UNC13B: variants seen among roughly 807,000 people sequenced by gnomAD.
UNC13B encodes protein unc-13 homolog B.
Under a neutral mutation model 211.0 loss-of-function variants are expected in UNC13B, and 144 were observed. The ratio of observed to expected loss-of-function variants is 0.68; its 90% confidence interval spans 0.60 to 0.78. The LOEUF (loss-of-function observed/expected upper bound fraction) is 0.78. Ranked by LOEUF, UNC13B falls within the 30% of genes least tolerant of loss-of-function variation. The pLI is 0.00. For synonymous variants in UNC13B, 709 were observed against 725.8 expected (o/e 0.98, Z 0.37); for missense variants, 1,777 against 2,002.0 (o/e 0.89, Z 2.14).
intron 7 of UNC13B, among the ~76,000 whole-genome samples, chr9:35,281,115 T>C (rs1828458682): frequency 6.6e-6 from 1 of 151,972 alleles, no homozygotes; most frequent in Non-Finnish European, 1.5e-5. Context: ...CTGGGCGTGG[T>C]GGCATGCGCC....
intron 7 of UNC13B, among the ~76,000 whole-genome samples, chr9:35,272,385 G>A (rs1827943340): frequency 6.6e-6 from 1 of 151,542 alleles, no homozygotes; most frequent in Admixed American, 6.6e-5. Context: ...AGCCTCTCGA[G>A]TAGCTGGGAT....
At chr9:35,175,001 T>C (rs1449993537) in intron 1 of UNC13B, among the ~76,000 whole-genome samples, 1 of 151,892 alleles carries the variant, frequency 6.6e-6, no homozygotes, top group Non-Finnish European at 1.5e-5. Flanking sequence ...TTTTGCCATG[T>C]GGCTGAGGCT....
chr9:35,403,600 G>C lies in UNC13B; in HGVS notation c.12737+1G>C. 6.6e-7 allele frequency: 1 copy of C among 1,513,066 alleles called. No individual in the cohort carries two copies. Among genetic ancestry groups the C allele is most frequent in the Non-Finnish European group, 8.9e-7 (1 of 1,118,402 alleles). 93.7% of individuals were successfully genotyped at this position (1,513,066 alleles called of 1,614,324 possible). On this transcript the variant is annotated splice_donor_variant, in intron 39 of 39. Transcript: ENST00000635942. LOFTEE classifies it high-confidence loss of function. ...CCAAGTACAATGAGACATTCCACTTGTAAGTTACGGGGGGGACATACAGGA... is the reference window on the plus strand; with the variant it reads ...CCAAGTACAATGAGACATTCCACTTCTAAGTTACGGGGGGGACATACAGGA...
chr9:35,203,696 C>T (rs1050735346), intron 1 of UNC13B, among the ~76,000 whole-genome samples: 1 of 152,180 alleles, frequency 6.6e-6, no homozygotes, highest in Non-Finnish European at 1.5e-5. Flanking sequence ...CAAGATGTGG[C>T]CTGGCTGCTT....
chr9:35,224,384 T>C (rs1054069140), intron 1 of UNC13B, among the ~76,000 whole-genome samples: 1 of 152,232 alleles, frequency 6.6e-6, no homozygotes, highest in African/African-American at 2.4e-5. Flanking sequence ...TATTCCCAGG[T>C]ATTGAATATT....
chr9:35,397,562 G>A, intron 29 of UNC13B, 73 bp from the exon 30 acceptor site: 1 of 1,505,052 alleles, frequency 6.6e-7, no homozygotes. Flanking sequence ...GATGAGAAGT[G>A]CCACCTCAGG....
chr9:35,202,044 G>T (rs1420686452), intron 1 of UNC13B, among the ~76,000 whole-genome samples: 1 of 152,060 alleles, frequency 6.6e-6, no homozygotes, highest in Non-Finnish European at 1.5e-5. Context: ...TTGTGTCTTT[G>T]TTCCATTGGT....
intron 7 of UNC13B, among the ~76,000 whole-genome samples, chr9:35,281,248 C>CA (rs74176713): frequency 0.079 from 9,221 of 117,192 alleles, 556 homozygotes; most frequent in African/African-American, 0.18. Context: ...GACTCTATCT[C>CA]AAAAAAAAAA....
chr9:35,281,110 C>T (rs12552899), intron 7 of UNC13B, among the ~76,000 whole-genome samples: 11,252 of 151,848 alleles, frequency 0.074, 631 homozygotes, highest in East Asian at 0.3. Context: ...ATTAGCTGGG[C>T]GTGGTGGCAT....
At chr9:35,343,576 C>T (rs1377850023) in intron 11 of UNC13B, among the ~76,000 whole-genome samples, 1 of 152,104 alleles carries the variant, frequency 6.6e-6, no homozygotes, top group African/African-American at 2.4e-5. Flanking sequence ...AGGATTGAAC[C>T]TCACACAAAA....
At chr9:35,249,355 A>G (rs1215671724) in intron 6 of UNC13B, among the ~76,000 whole-genome samples, 1 of 152,160 alleles carries the variant, frequency 6.6e-6, no homozygotes, top group African/African-American at 2.4e-5. Context: ...GCCCATTTAC[A>G]TTTAAGGTTA....
chr9:35,297,561 T>TTTTTTTTTTTTTTTTGTTTTTTTG, intron 8 of UNC13B, among the ~76,000 whole-genome samples: 2 of 128,164 alleles, frequency 1.6e-5, no homozygotes, highest in Non-Finnish European at 3.4e-5. Flanking sequence ...TTTTTTTTTT[T>TTTTTTTTTTTTTTTTGTTTTTTTG]TTTTTTGAGA....
intron 1 of UNC13B, among the ~76,000 whole-genome samples, chr9:35,216,534 T>C (rs1824254502): frequency 6.6e-6 from 1 of 152,170 alleles, no homozygotes; most frequent in African/African-American, 2.4e-5. Flanking sequence ...CAGCCTTTTC[T>C]CTTTAAAAGA....
At chr9:35,352,699 A>G (rs559651121) in intron 11 of UNC13B, 20 of 1,232,156 alleles carry the variant, frequency 1.6e-5, no homozygotes, top group Admixed American at 4.2e-5. Flanking sequence ...TGCCCAAGCT[A>G]GGGGATGAAA....
chr9:35,257,707 T>G (rs1053562251), intron 6 of UNC13B, among the ~76,000 whole-genome samples: 3 of 150,024 alleles, frequency 2.0e-5, no homozygotes, highest in African/African-American at 7.3e-5. Context: ...AAATTAGTAA[T>G]AACAGTATCT....
chr9:35,383,470 A>T (rs1000690436), intron 21 of UNC13B, among the ~76,000 whole-genome samples: 60 of 152,168 alleles, frequency 3.9e-4, no homozygotes, highest in African/African-American at 1.4e-3. Flanking sequence ...TTTGTTGTTG[A>T]TAGAGCCTTT....
intron 11 of UNC13B, among the ~76,000 whole-genome samples, chr9:35,330,801 T>C (rs990296661): frequency 1.2e-4 from 18 of 152,218 alleles, no homozygotes; most frequent in African/African-American, 4.3e-4. Context: ...ATGTCACACC[T>C]GGACTGAGAT....
At chr9:35,376,413 C>G (rs1359053653) in intron 15 of UNC13B, among the ~76,000 whole-genome samples, 166 bp downstream of exon 15, 1 of 152,202 alleles carries the variant, frequency 6.6e-6, no homozygotes, top group Non-Finnish European at 1.5e-5. Flanking sequence ...AGGGGCATTG[C>G]CTTTCCAAAT....
At chr9:35,193,916 A>G (rs907973806) in intron 1 of UNC13B, among the ~76,000 whole-genome samples, 1 of 152,142 alleles carries the variant, frequency 6.6e-6, no homozygotes, top group Admixed American at 6.5e-5. Flanking sequence ...GTTTCACTAG[A>G]TGGTGCTGTT....
Sources: allele counts gnomAD v4.1 joint callset (sites outside exome capture counted in the v4.1 genomes callset), GRCh38; gene constraint gnomAD v4.1.1; transcripts MANE v1.5; gene names NCBI Gene and HGNC (gene_info 2026-07-23, HGNC 2026-07-21).